Variants in AFAP1L1 observed in about 807,000 individuals in gnomAD.
AFAP1L1 encodes the protein actin filament associated protein 1 like 1, also known as actin filament-associated protein 1-like 1.
AFAP1L1 carries 77 observed loss-of-function variants against 99.8 expected under a neutral mutation model. The ratio of observed to expected loss-of-function variants is 0.77; its 90% confidence interval spans 0.64 to 0.93. AFAP1L1 has a LOEUF of 0.93. Among genes scored for constraint, AFAP1L1 ranks in the 40% least tolerant of loss-of-function variants. The pLI, the probability that AFAP1L1 is intolerant of heterozygous loss-of-function variation, is 0.00. For synonymous variants in AFAP1L1, 373 were observed against 395.3 expected (o/e 0.94, Z 0.67); for missense variants, 893 against 996.8 (o/e 0.90, Z 1.40).
At chr5:149,287,824 C>T (rs548880226) in intron 1 of AFAP1L1, among the ~76,000 whole-genome samples, 481 of 151,336 alleles carry the variant, frequency 3.2e-3, no homozygotes, top group African/African-American at 0.011. Context: ...TCAAGTGATC[C>T]GCCCACCTCA....
intron 1 of AFAP1L1, among the ~76,000 whole-genome samples, chr5:149,289,794 C>T (rs552849059): frequency 9.2e-5 from 14 of 152,302 alleles, no homozygotes; most frequent in South Asian, 4.1e-4. Flanking sequence ...GACCGCTCTG[C>T]GGAGTAAACC....
At chr5:149,307,818 TTCTCTCTCTCTCTCTC>T (rs70973517) in intron 7 of AFAP1L1, among the ~76,000 whole-genome samples, 2 of 100,502 alleles carry the variant, frequency 2.0e-5, no homozygotes, top group Admixed American at 1.3e-4. Flanking sequence ...GTGCCTCTCT[TTCTCTCTCTCTCTCTC>T]TCTCTCTCTC....
chr5:149,318,007 T>G lies in AFAP1L1; in HGVS notation c.1479+67T>G, dbSNP rs1756849577. 15 of 1,512,690 alleles carry G rather than the reference T, an allele frequency of 9.9e-6. No homozygotes were observed. In the South Asian group the frequency reaches 1.4e-4, roughly 14 times the overall value. The allele number at this position is 1,512,690 out of a possible 1,614,324, so 93.7% of individuals were successfully genotyped here. On this transcript the variant is annotated intron_variant, in intron 12 of 18. Coordinates refer to ENST00000296721, the MANE Select transcript of AFAP1L1 (RefSeq NM_152406.4). ...GACTCTGGCCTGAGTGTCATGTTTT[T>G]GTTTGGGGGAGCCCTTGCTACTGAC...
intron 16 of AFAP1L1, among the ~76,000 whole-genome samples, chr5:149,330,679 T>C (rs168462): frequency 0.11 from 16,842 of 152,208 alleles, 1,279 homozygotes; most frequent in Non-Finnish European, 0.16. Context: ...TTGGTTTCCA[T>C]ATAAAGAATT....
At chr5:149,273,699 C>A (rs1433268959) in intron 1 of AFAP1L1, among the ~76,000 whole-genome samples, 1 of 152,098 alleles carries the variant, frequency 6.6e-6, no homozygotes. Flanking sequence ...GCACCTCTCA[C>A]ACCCCTCAGT....
At chr5:149,314,056 G>A (rs1337981674) in intron 9 of AFAP1L1, among the ~76,000 whole-genome samples, 1 of 152,204 alleles carries the variant, frequency 6.6e-6, no homozygotes, top group African/African-American at 2.4e-5. Flanking sequence ...GGGAAGACGG[G>A]CACCTATGTT....
Position 149,329,697 on chromosome 5 carries a change from A to T in AFAP1L1, c.1842A>T (p.Arg614=). 1 of 1,614,122 alleles carries T rather than the reference A, an allele frequency of 6.2e-7. No individual in the cohort carries two copies. ...ATCAATACAAGTATGGCAAGAACCGAGCCGAGGAGGATGCCCGGAGGTACT... is the reference window on the plus strand; with the variant it reads ...ATCAATACAAGTATGGCAAGAACCGTGCCGAGGAGGATGCCCGGAGGTACT... ...SANQYKYGKN[R]AEEDARRYLV... Residue 614 remains arginine (R), a synonymous_variant, in exon 16 of 19, where the codon CGA becomes CGT. Coordinates refer to ENST00000296721, the MANE Select transcript of AFAP1L1 (RefSeq NM_152406.4).
rs1309162883 is a variant in AFAP1L1 at position 149,315,893 on chromosome 5, C to T, written c.1093C>T (p.Arg365Cys). The T allele has an allele frequency of 3.7e-6, 6 of 1,613,992 alleles. No individual in the cohort carries two copies. The highest frequency in any genetic ancestry group is 2.7e-5 in the African/African-American group (2 of 74,920). The change falls in exon 10 of 19, where the codon CGC becomes TGC. Residue 365 changes from arginine to cysteine, a missense_variant. Physicochemically the swap from Arg to Cys is radical, Grantham distance 180. Transcript: ENST00000296721. ...GGGTGACAACTGTTCTACCCTTGGC[C>T]GCCGGGAGACCTGTGATCACGGTAG... ...GVGDNCSTLG[R>C]RETCDHGKGK...
intron 1 of AFAP1L1, among the ~76,000 whole-genome samples, chr5:149,284,926 A>T (rs1200115272): frequency 6.6e-6 from 1 of 152,224 alleles, no homozygotes; most frequent in Non-Finnish European, 1.5e-5. Flanking sequence ...ATAAAACTTT[A>T]AACTCTCCAC....
intron 5 of AFAP1L1, among the ~76,000 whole-genome samples, chr5:149,304,959 C>T (rs540469158): frequency 0.3 from 1,200 of 3,956 alleles, 12 homozygotes; most frequent in Middle Eastern, 0.5. Flanking sequence ...GGAAGGCTTC[C>T]TGGAGGGGGA....
intron 18 of AFAP1L1, among the ~76,000 whole-genome samples, chr5:149,339,261 A>G (rs1001176369): frequency 4.6e-5 from 7 of 150,578 alleles, no homozygotes; most frequent in African/African-American, 1.7e-4. Context: ...GCTCACTGCA[A>G]CCACTGCAAC....
chr5:149,341,875 G>C lies in AFAP1L1; in HGVS notation c.*1845G>C, dbSNP rs754197260. On this transcript the variant is annotated 3_prime_UTR_variant, in exon 19 of 19. Coordinates refer to ENST00000296721, the MANE Select transcript of AFAP1L1 (RefSeq NM_152406.4). ...ACTTTTCAGTGTTCTTTTTTAAAACGTGGATCCTGAAATGTCACCTAACTC... is the reference window on the plus strand; with the variant it reads ...ACTTTTCAGTGTTCTTTTTTAAAACCTGGATCCTGAAATGTCACCTAACTC... 3 of 151,988 alleles carry C rather than the reference G, an allele frequency of 2.0e-5. No homozygotes were observed. The highest frequency in any genetic ancestry group is 4.8e-5 in the African/African-American group (2 of 41,362). The allele number at this position is 151,988 out of a possible 1,614,324, so 9.4% of individuals were successfully genotyped here. A position where few individuals can be genotyped will look rare whatever the true frequency, so the allele number is the denominator to read the frequency against.
At chr5:149,302,979 C>T (rs1223356383) in intron 5 of AFAP1L1, among the ~76,000 whole-genome samples, 1 of 152,080 alleles carries the variant, frequency 6.6e-6, no homozygotes, top group African/African-American at 2.4e-5. Context: ...GTTAGGTTAT[C>T]GAGTCAATGC....
At position 149,307,606 on chromosome 5, in the gene AFAP1L1, A is replaced by G. The variant is rs768060071; in HGVS notation, c.740A>G (p.Gln247Arg). The change falls in exon 7 of 19, where the codon CAG (glutamine) becomes CGG (arginine). Residue 247 changes from glutamine (Q) to arginine (R), a missense_variant. By Grantham distance (43) the Gln-to-Arg change is conservative (BLOSUM62 1). Coordinates refer to ENST00000296721, the MANE Select transcript of AFAP1L1 (RefSeq NM_152406.4). Reference protein sequence around the residue: ...AKQLTVIREDQLLCYKSSKDR... With the variant: ...AKQLTVIREDRLLCYKSSKDR... ...CAGCTGACGGTCATCAGGGAGGACC[A>G]GCTCCTGGTGAGTGGTCAGCAGCAG... The G allele has an allele frequency of 3.1e-6, 5 of 1,612,244 alleles. No individual in the cohort carries two copies. The highest frequency in any genetic ancestry group is 4.2e-6 in the Non-Finnish European group (5 of 1,179,916).
At chr5:149,282,661 G>A (rs927312402) in intron 1 of AFAP1L1, among the ~76,000 whole-genome samples, 29 of 152,272 alleles carry the variant, frequency 1.9e-4, no homozygotes, top group Middle Eastern at 6.8e-3. Flanking sequence ...GGACAGAGTT[G>A]GGTAGTTGAA....
chr5:149,290,000 G>A (rs935277088), intron 1 of AFAP1L1, among the ~76,000 whole-genome samples: 5 of 152,234 alleles, frequency 3.3e-5, no homozygotes, highest in Admixed American at 6.5e-5. Flanking sequence ...TTGGGAGGCC[G>A]AGGCGGGTGG....
At chr5:149,318,292 C>A (rs982127898) in intron 12 of AFAP1L1, among the ~76,000 whole-genome samples, 4 of 152,164 alleles carry the variant, frequency 2.6e-5, no homozygotes, top group Non-Finnish European at 5.9e-5. Context: ...TCTGGCAGCC[C>A]CAGAACCAAG....
Position 149,342,871 on chromosome 5 carries a change from C to T in AFAP1L1, c.*2841C>T, listed in dbSNP as rs534607797. ...AGGTTGCAGTGAGCCGAGATCGCAC[C>T]ACTGCACTCCAGCCTGGGCAATAGC... On this transcript the variant is annotated 3_prime_UTR_variant, in exon 19 of 19. Transcript: ENST00000296721. 1.9e-3 allele frequency among the ~76,000 whole-genome samples: 288 copies of T among 152,012 alleles called. No homozygotes were observed. The highest frequency in any genetic ancestry group is 6.0e-3 in the African/African-American group (249 of 41,458).
intron 12 of AFAP1L1, among the ~76,000 whole-genome samples, chr5:149,318,626 A>G (rs1756865720): frequency 6.6e-6 from 1 of 152,184 alleles, no homozygotes; most frequent in African/African-American, 2.4e-5. Context: ...ATGAAGTGTG[A>G]TTTCATTTCA....
Sources: gnomAD v4.1 joint callset for allele counts (sites outside exome capture counted in the v4.1 genomes callset) on GRCh38, gnomAD v4.1.1 for gene constraint, MANE v1.5 for transcripts, NCBI Gene and HGNC (gene_info 2026-07-23, HGNC 2026-07-21) for gene names.